EBF2: variants seen among roughly 807,000 people sequenced by gnomAD.
EBF2 encodes the protein EBF transcription factor 2.
EBF2 carries 21 observed loss-of-function variants against 72.8 expected under a neutral mutation model. The observed-to-expected ratio is 0.29, with a 90% confidence interval of 0.20 to 0.42. The LOEUF (loss-of-function observed/expected upper bound fraction) is 0.42, where lower values mean the gene tolerates loss of function less well. EBF2 is among the 10% of genes least tolerant of loss of function. EBF2 has a pLI of 1.00. For missense variants in EBF2, 637 were observed against 731.2 expected (o/e 0.87, Z 1.49); for synonymous variants, 299 against 274.2 (o/e 1.09, Z -0.89).
rs116723640 is a variant in EBF2, at chr8:26,033,159, G to A, written c.483-6C>T. 7.6e-4 allele frequency: 1,232 copies of A among 1,613,918 alleles called. 7 individuals carry two copies. In the African/African-American group the frequency reaches 0.015, roughly 19 times the overall value. On this transcript the variant is annotated splice_region_variant and splice_polypyrimidine_tract_variant and intron_variant, in intron 5 of 15. Coordinates refer to ENST00000520164, the MANE Select transcript of EBF2 (RefSeq NM_022659.4). Reference sequence around the variant, plus strand: ...TTTTCTTTTCGCAGCATCGACTGTAGATTGGGAAGGAACCAAGAGTGAAAG... The same window carrying A: ...TTTTCTTTTCGCAGCATCGACTGTAAATTGGGAAGGAACCAAGAGTGAAAG...
intron 1 of EBF2, among the ~76,000 whole-genome samples, chr8:26,043,054 C>T (rs576266921): frequency 6.6e-6 from 1 of 152,340 alleles, no homozygotes; most frequent in African/African-American, 2.4e-5. Flanking sequence ...CAACGCGATC[C>T]CCACTCATGC....
chr8:25,982,886 G>A (rs1804384699), intron 6 of EBF2, among the ~76,000 whole-genome samples: 1 of 151,702 alleles, frequency 6.6e-6, no homozygotes, highest in Non-Finnish European at 1.5e-5. Context: ...ATATACAAAT[G>A]TGTAATTACA....
At chr8:25,913,030 T>C (rs1446505277) in intron 6 of EBF2, among the ~76,000 whole-genome samples, 1 of 152,144 alleles carries the variant, frequency 6.6e-6, no homozygotes, top group African/African-American at 2.4e-5. Context: ...GGAATTCTCA[T>C]CAATGGTCTA....
At chr8:26,013,707 T>C (rs1390200977) in intron 6 of EBF2, among the ~76,000 whole-genome samples, 1 of 151,014 alleles carries the variant, frequency 6.6e-6, no homozygotes, top group East Asian at 1.9e-4. Context: ...AAAAAAAAAA[T>C]CAAGGCAAGA....
chr8:25,970,882 G>A (rs1490148820), intron 6 of EBF2, among the ~76,000 whole-genome samples: 1 of 152,096 alleles, frequency 6.6e-6, no homozygotes, highest in Admixed American at 6.5e-5. Flanking sequence ...ACCCAGGCTG[G>A]AGTGCAGTGG....
intron 6 of EBF2, among the ~76,000 whole-genome samples, chr8:26,020,953 G>A (rs1805195191): frequency 6.6e-6 from 1 of 152,192 alleles, no homozygotes; most frequent in Admixed American, 6.5e-5. Flanking sequence ...ACCAAGAAGA[G>A]AGAGTGGAGC....
At chr8:26,041,400 G>A (rs1805598181) in intron 2 of EBF2, 2 of 240,246 alleles carry the variant, frequency 8.3e-6, no homozygotes, top group Non-Finnish European at 8.2e-6. Flanking sequence ...TGGAAAGGCA[G>A]CATTCGGGCC....
intron 6 of EBF2, among the ~76,000 whole-genome samples, chr8:25,951,591 A>G (rs185724794): frequency 1.4e-4 from 22 of 152,310 alleles, no homozygotes; most frequent in African/African-American, 5.1e-4. Context: ...ACTCTCTGAG[A>G]ACCTGGAAAT....
At chr8:26,037,288 C>A (rs570550539) in intron 5 of EBF2, among the ~76,000 whole-genome samples, 10 of 152,220 alleles carry the variant, frequency 6.6e-5, no homozygotes, top group African/African-American at 2.2e-4. Context: ...GGAAAAAGCC[C>A]CAGCCTTGGA....
chr8:26,035,018 C>A (rs1805474883), intron 5 of EBF2, among the ~76,000 whole-genome samples: 1 of 152,100 alleles, frequency 6.6e-6, no homozygotes, highest in African/African-American at 2.4e-5. Context: ...AGAGTGTCTT[C>A]TAGGTCTAAG....
intron 13 of EBF2, among the ~76,000 whole-genome samples, chr8:25,860,609 C>G (rs1201836747): frequency 6.6e-6 from 1 of 151,966 alleles, no homozygotes; most frequent in East Asian, 1.9e-4. Context: ...CTCACTGCAG[C>G]CTCGACTTCC....
At chr8:26,006,324 T>A (rs1804881561) in intron 6 of EBF2, among the ~76,000 whole-genome samples, 1 of 152,212 alleles carries the variant, frequency 6.6e-6, no homozygotes, top group South Asian at 2.1e-4. Flanking sequence ...CAACATGTGT[T>A]CTATTTTTTC....
chr8:26,033,108 T>C lies in EBF2; in HGVS notation c.528A>G (p.Pro176=), dbSNP rs758404715. The C allele has an allele frequency of 1.9e-5, 30 of 1,614,098 alleles. No individual in the cohort carries two copies. The South Asian group carries it at 3.2e-4, about 17-fold the overall frequency. The change falls in exon 6 of 16, where the codon CCA becomes CCG. Residue 176 remains proline (P), a synonymous_variant. Transcript: ENST00000520164. Reference sequence around the variant, plus strand: ...ACCTGTCAATTATGACTGGGTCCGATGGAGTCTCATTTCGGTTTCCACAGC... The same window carrying C: ...ACCTGTCAATTATGACTGGGTCCGACGGAGTCTCATTTCGGTTTCCACAGC... ...KKSCGNRNET[P]SDPVIIDRFF...
intron 14 of EBF2, 74 bp downstream of exon 14, chr8:25,858,245 T>C: frequency 6.4e-7 from 1 of 1,565,826 alleles, no homozygotes; most frequent in South Asian, 1.1e-5. Flanking sequence ...AATGCAACTT[T>C]CTCCCAAAAG....
At chr8:25,878,787 CTTTA>C (rs796144581) in intron 10 of EBF2, among the ~76,000 whole-genome samples, 19 of 152,262 alleles carry the variant, frequency 1.2e-4, no homozygotes, top group African/African-American at 4.6e-4. Context: ...AGCATTTCTT[CTTTA>C]TTTGTGAATG....
chr8:25,987,732 C>G (rs779310483), intron 6 of EBF2, among the ~76,000 whole-genome samples: 1 of 152,140 alleles, frequency 6.6e-6, no homozygotes, highest in Non-Finnish European at 1.5e-5. Flanking sequence ...TGAACACAAA[C>G]TGCATAAGAA....
chr8:25,891,139 T>A (rs142583175), intron 7 of EBF2, among the ~76,000 whole-genome samples: 1 of 152,172 alleles, frequency 6.6e-6, no homozygotes, highest in Non-Finnish European at 1.5e-5. Flanking sequence ...AGAATCATAG[T>A]TAACACAGGA....
intron 10 of EBF2, among the ~76,000 whole-genome samples, chr8:25,868,527 G>A (rs529699804): frequency 1.3e-5 from 2 of 152,130 alleles, no homozygotes; most frequent in South Asian, 2.1e-4. Context: ...TGCCACCCAG[G>A]CTGGAGTGCA....
intron 14 of EBF2, among the ~76,000 whole-genome samples, chr8:25,857,099 A>G (rs887812649): frequency 6.6e-6 from 1 of 152,214 alleles, no homozygotes. Flanking sequence ...AAACAAATCA[A>G]GCAATCATTT....
Sources: allele counts gnomAD v4.1 joint callset (sites outside exome capture counted in the v4.1 genomes callset), GRCh38; gene constraint gnomAD v4.1.1; transcripts MANE v1.5; gene names NCBI Gene and HGNC (gene_info 2026-07-23, HGNC 2026-07-21).